TPO: variants seen among roughly 807,000 people sequenced by gnomAD.
TPO encodes thyroid peroxidase.
In TPO, 78 loss-of-function variants were observed where a neutral mutation model predicts 96.9. That is an observed-to-expected ratio of 0.81 (90% CI 0.67 to 0.97). The LOEUF (loss-of-function observed/expected upper bound fraction) is 0.97, where lower values mean the gene tolerates loss of function less well. Among genes scored for constraint, TPO ranks in the 50% least tolerant of loss-of-function variants. TPO has a pLI of 0.00. For missense variants in TPO, 1,252 were observed against 1,274.8 expected, an observed-to-expected ratio of 0.98 and a Z score of 0.27; for synonymous variants, 547 against 538.0, an observed-to-expected ratio of 1.02 and a Z score of -0.23.
intron 2 of TPO, among the ~76,000 whole-genome samples, chr2:1,415,363 G>A (rs1005090866): frequency 1.4e-5 from 2 of 142,738 alleles, no homozygotes; most frequent in Non-Finnish European, 3.0e-5. Context: ...ACACTTCGCC[G>A]GGCAGGTCCC....
chr2:1,536,142 ATGCAACCTCCCCG>A (rs1679605766), intron 15 of TPO, among the ~76,000 whole-genome samples: 2 of 21,768 alleles, frequency 9.2e-5, no homozygotes, highest in Non-Finnish European at 1.7e-4. Context: ...CCCCCAATCT[ATGCAACCTCCCCG>A]TTCCCCCCAA....
chr2:1,526,909 A>G (rs1310711981), intron 15 of TPO, among the ~76,000 whole-genome samples: 1 of 138,012 alleles, frequency 7.2e-6, no homozygotes, highest in Admixed American at 7.3e-5. Flanking sequence ...GGTGTGTGCA[A>G]CCTCCCCAAA....
Position 1,383,175 on chromosome 2 carries a change from G to A in TPO, n.180+8773G>A, listed in dbSNP as rs1018523536. ...AGTCTTTGCTATTGTGAGTAGTGCC[G>A]CAATAAACACAAGTGTGCGTGTGTC... On this transcript the variant is annotated intron_variant and non_coding_transcript_variant, in intron 1 of 5. Transcript: ENST00000497517. Among the ~76,000 whole-genome samples, 12 of 152,092 alleles carry A rather than the reference G, an allele frequency of 7.9e-5. 1 individual carries two copies. Among genetic ancestry groups the A allele is most frequent in the East Asian group, 5.8e-4 (3 of 5,174 alleles).
At chr2:1,473,822 C>G (rs781490400) in intron 7 of TPO, among the ~76,000 whole-genome samples, 1 of 151,016 alleles carries the variant, frequency 6.6e-6, no homozygotes, top group Non-Finnish European at 1.5e-5. Context: ...AAGAACAAAA[C>G]AAAAAAGAAA....
chr2:1,507,145 A>C (rs930851564), intron 14 of TPO, among the ~76,000 whole-genome samples: 3 of 152,094 alleles, frequency 2.0e-5, no homozygotes, highest in Non-Finnish European at 4.4e-5. Flanking sequence ...ATAGGGAATC[A>C]TTTCCCCATT....
At chr2:1,533,068 C>A (rs1215670781) in intron 15 of TPO, among the ~76,000 whole-genome samples, 2 of 138,684 alleles carry the variant, frequency 1.4e-5, no homozygotes, top group South Asian at 2.3e-4. Context: ...CTCCTCAAAT[C>A]CCCCTACTGC....
intron 1 of TPO, among the ~76,000 whole-genome samples, chr2:1,379,148 T>G (rs1475508050): frequency 6.6e-6 from 1 of 151,958 alleles, no homozygotes; most frequent in Non-Finnish European, 1.5e-5. Flanking sequence ...CTACTCAAAA[T>G]ATAAAAATTA....
rs75268383 is a variant in TPO, at chr2:1,489,063, C to T, written c.1768+1072C>T. On this transcript the variant is annotated intron_variant, in intron 10 of 16. Transcript: ENST00000329066. ...CATACCCAGCACACACCCGCACATG[C>T]CCGGCACATGCCCAGCACATACCTG... Among the ~76,000 whole-genome samples the T allele has an allele frequency of 6.6e-3, 1,004 of 152,042 alleles. 8 individuals are homozygous for T. Among genetic ancestry groups the T allele is most frequent in the African/African-American group, 0.023 (961 of 41,482 alleles).
chr2:1,540,379 C>T (rs1361840700), intron 15 of TPO, among the ~76,000 whole-genome samples: 1 of 151,990 alleles, frequency 6.6e-6, no homozygotes, highest in African/African-American at 2.4e-5. Context: ...GCTGCAAATT[C>T]TAAAATCATT....
chr2:1,406,646 G>C (rs1304545342), intron 1 of TPO, among the ~76,000 whole-genome samples: 1 of 152,182 alleles, frequency 6.6e-6, no homozygotes, highest in Non-Finnish European at 1.5e-5. Flanking sequence ...ATCTCACTTA[G>C]GGTCACAACA....
rs1178604915 is a variant in TPO at position 1,496,008 on chromosome 2, C to T, written c.2026C>T (p.His676Tyr). ...CTGGAGGTTTTGGTGGGAGAACAGCCACGTCTTCACGGATGCACAGAGGCG... is the reference window on the plus strand; with the variant it reads ...CTGGAGGTTTTGGTGGGAGAACAGCTACGTCTTCACGGATGCACAGAGGCG... ...DGDWFWWENS[H>Y]VFTDAQRREL... The change falls in exon 12 of 17, where the codon CAC becomes TAC. Residue 676 changes from histidine (H) to tyrosine (Y), a missense_variant. His to Tyr is a moderately conservative substitution (Grantham distance 83). Coordinates refer to ENST00000329066, the MANE Select transcript of TPO (RefSeq NM_001206744.2). 4 of 1,612,790 alleles carry T rather than the reference C, an allele frequency of 2.5e-6. No homozygotes were observed. In the Admixed American group the frequency reaches 6.7e-5, roughly 27 times the overall value.
At chr2:1,484,964 T>A (rs1391530447) in intron 9 of TPO, 110 bp downstream of exon 9, 42 of 1,517,732 alleles carry the variant, frequency 2.8e-5, no homozygotes, top group Non-Finnish European at 2.9e-5. Context: ...CGTGCAGGTT[T>A]GTTACGTAGG....
chr2:1,503,173 G>A (rs375405128), intron 13 of TPO, among the ~76,000 whole-genome samples: 1 of 152,168 alleles, frequency 6.6e-6, no homozygotes, highest in South Asian at 2.1e-4. Flanking sequence ...CAGCACCAGG[G>A]CCCCAGGAGT....
In TPO at chr2:1,542,967, G is replaced by A; in HGVS notation, c.*493G>A. ...CCGGTGGGAGGAGGAAAGTGATTCT[G>A]AGGGAGAGGCTGGAGCCTTAAGGAC... On this transcript the variant is annotated 3_prime_UTR_variant, in exon 17 of 17. Transcript: ENST00000329066. 1 of 247,034 alleles carries A rather than the reference G, an allele frequency of 4.0e-6. No individual in the cohort carries two copies. The highest frequency in any genetic ancestry group is 5.1e-5 in the Admixed American group (1 of 19,672). The allele number at this position is 247,034 out of a possible 1,614,324, so 15.3% of individuals were successfully genotyped here.
At chr2:1,477,790 G>A in intron 8 of TPO, 186 bp downstream of exon 8, 1 of 985,450 alleles carries the variant, frequency 1.0e-6, no homozygotes, top group South Asian at 4.7e-5. Flanking sequence ...GCCCTGCATG[G>A]GCGTGTGGAG....
At chr2:1,479,332 C>A (rs1670314948) in intron 8 of TPO, among the ~76,000 whole-genome samples, 1 of 152,248 alleles carries the variant, frequency 6.6e-6, no homozygotes, top group Non-Finnish European at 1.5e-5. Context: ...CCATTTAATT[C>A]TTGTTTCTCA....
At chr2:1,474,025 G>T (rs1669677492) in intron 7 of TPO, among the ~76,000 whole-genome samples, 1 of 151,780 alleles carries the variant, frequency 6.6e-6, no homozygotes, top group Non-Finnish European at 1.5e-5. Flanking sequence ...CTAGACTTTG[G>T]TCTAACTGAG....
intron 1 of TPO, among the ~76,000 whole-genome samples, chr2:1,400,412 G>A (rs1332042260): frequency 6.6e-6 from 1 of 152,052 alleles, no homozygotes; most frequent in Non-Finnish European, 1.5e-5. Flanking sequence ...AGAATTGCTT[G>A]AATTTGGGAG....
intron 5 of TPO, among the ~76,000 whole-genome samples, chr2:1,437,409 C>G (rs1315135269): frequency 6.6e-6 from 1 of 151,910 alleles, no homozygotes; most frequent in Non-Finnish European, 1.5e-5. Context: ...GGGACTCGAG[C>G]TCCTCACTGC....
Sources: allele counts gnomAD v4.1 joint callset (sites outside exome capture counted in the v4.1 genomes callset), GRCh38; gene constraint gnomAD v4.1.1; transcripts MANE v1.5; gene names NCBI Gene and HGNC (gene_info 2026-07-23, HGNC 2026-07-21).